The following PPP1R9A variants were observed in gnomAD, a reference collection of about 807,000 sequenced individuals.
PPP1R9A encodes the protein neurabin-1.
Under a neutral mutation model 141.9 loss-of-function variants are expected in PPP1R9A, and 59 were observed. That is an observed-to-expected ratio of 0.42 (90% CI 0.34 to 0.52). The LOEUF (loss-of-function observed/expected upper bound fraction) is 0.52. Among genes scored for constraint, PPP1R9A ranks in the 20% least tolerant of loss-of-function variants. PPP1R9A has a pLI of 0.10. For synonymous variants in PPP1R9A, 500 were observed against 569.7 expected (o/e 0.88, Z 1.74); for missense variants, 1,444 against 1,611.9 (o/e 0.90, Z 1.78).
chr7:95,275,107 C>T (rs1428858175), intron 16 of PPP1R9A, among the ~76,000 whole-genome samples: 1 of 152,002 alleles, frequency 6.6e-6, no homozygotes, highest in African/African-American at 2.4e-5. Context: ...TCATTTGATC[C>T]TTATAGGATT....
chr7:95,264,866 A>C (rs1336455629), intron 12 of PPP1R9A, among the ~76,000 whole-genome samples: 1 of 152,206 alleles, frequency 6.6e-6, no homozygotes, highest in Admixed American at 6.5e-5. Context: ...AACAAGGCAC[A>C]CTGGAGAAAC....
chr7:95,127,318 T>A (rs1166145288), intron 4 of PPP1R9A, among the ~76,000 whole-genome samples: 1 of 152,082 alleles, frequency 6.6e-6, no homozygotes, highest in Admixed American at 6.6e-5. Context: ...TCCCCCTTAA[T>A]GTTTTCAGTA....
intron 2 of PPP1R9A, among the ~76,000 whole-genome samples, chr7:94,995,589 GTTAATCTTATTCAGCATATTTTTTATC>G (rs1802072890): frequency 1.3e-5 from 2 of 151,458 alleles, no homozygotes; most frequent in Non-Finnish European, 2.9e-5. Context: ...GTACTCTACT[GTTAATCTTATTCAGCATATTTTTTATC>G]TTAGACATTA....
At chr7:94,924,261 A>G (rs1217906434) in intron 2 of PPP1R9A, among the ~76,000 whole-genome samples, 1 of 152,170 alleles carries the variant, frequency 6.6e-6, no homozygotes, top group Non-Finnish European at 1.5e-5. Context: ...TTTTTTAGTT[A>G]ATCATGTACC....
At chr7:95,079,235 G>A (rs2152268975) in intron 2 of PPP1R9A, among the ~76,000 whole-genome samples, 1 of 152,250 alleles carries the variant, frequency 6.6e-6, no homozygotes, top group South Asian at 2.1e-4. Context: ...TTATTAAATA[G>A]GGAATCCTTT....
chr7:94,911,309 GTGACTATA>G lies in PPP1R9A; in HGVS notation c.1197_1204del (p.Ser399ArgfsTer4), dbSNP rs1791427001. On this transcript the variant is annotated frameshift_variant, in exon 2 of 20. Coordinates refer to ENST00000433360, the MANE Select transcript of PPP1R9A (RefSeq NM_001166160.2). LOFTEE classifies it high-confidence loss of function. Reference sequence around the variant, plus strand: ...GATGGTTCCCATGTGTACATGCACAGTGACTATAATGTGTATAGGGTGAGATCCAGGTA... The same window carrying G: ...GATGGTTCCCATGTGTACATGCACAGATGTGTATAGGGTGAGATCCAGGTA... 6.2e-7 allele frequency: 1 copy of G among 1,614,032 alleles called. No homozygotes were observed. The highest frequency in any genetic ancestry group is 8.5e-7 in the Non-Finnish European group (1 of 1,180,018).
intron 2 of PPP1R9A, among the ~76,000 whole-genome samples, chr7:94,954,088 CT>C (rs1452353992): frequency 6.6e-6 from 1 of 152,038 alleles, no homozygotes; most frequent in East Asian, 1.9e-4. Context: ...ATGATATTGG[CT>C]GTGGGTTTTT....
chr7:95,225,748 C>T (rs570016592), intron 7 of PPP1R9A, among the ~76,000 whole-genome samples: 11 of 152,258 alleles, frequency 7.2e-5, no homozygotes, highest in African/African-American at 1.4e-4. Context: ...TTTTTAGAAA[C>T]GCACTTGTAT....
At chr7:94,947,165 A>T in intron 2 of PPP1R9A, among the ~76,000 whole-genome samples, 1 of 152,120 alleles carries the variant, frequency 6.6e-6, no homozygotes, top group East Asian at 1.9e-4. Flanking sequence ...CCAGGAACTG[A>T]TATGCTCACC....
At chr7:95,239,930 T>G (rs767506743) in intron 8 of PPP1R9A, among the ~76,000 whole-genome samples, 29 of 152,184 alleles carry the variant, frequency 1.9e-4, no homozygotes, top group Non-Finnish European at 3.7e-4. Flanking sequence ...TGTTACATTT[T>G]TTAAAAACTT....
intron 2 of PPP1R9A, 50 bp from the exon 3 acceptor site, chr7:95,111,209 C>T (rs780330456): frequency 6.9e-7 from 1 of 1,444,982 alleles, no homozygotes; most frequent in Non-Finnish European, 9.4e-7. Flanking sequence ...GGATACCTGG[C>T]AGGTTTTTTT....
At chr7:95,225,420 C>T (rs1402522731) in intron 7 of PPP1R9A, among the ~76,000 whole-genome samples, 1 of 152,114 alleles carries the variant, frequency 6.6e-6, no homozygotes, top group African/African-American at 2.4e-5. Flanking sequence ...AGTTAGAAAC[C>T]TTTGGTTTAT....
intron 7 of PPP1R9A, among the ~76,000 whole-genome samples, chr7:95,217,180 G>A (rs1346031190): frequency 2.0e-5 from 3 of 152,092 alleles, no homozygotes; most frequent in South Asian, 2.1e-4. Flanking sequence ...AGCATGAAGC[G>A]CTGTTGAATT....
At chr7:95,069,093 T>C (rs1244673246) in intron 2 of PPP1R9A, among the ~76,000 whole-genome samples, 1 of 152,212 alleles carries the variant, frequency 6.6e-6, no homozygotes. Context: ...TGTTATAGTA[T>C]ATTGTTTAAG....
At chr7:94,953,300 C>G (rs534775263) in intron 2 of PPP1R9A, among the ~76,000 whole-genome samples, 1 of 152,252 alleles carries the variant, frequency 6.6e-6, no homozygotes, top group African/African-American at 2.4e-5. Context: ...GGCTTCTGTT[C>G]TGTTCCATTG....
intron 19 of PPP1R9A, 29 bp from the exon 20 acceptor site, chr7:95,290,062 T>C (rs1346725153): frequency 1.2e-6 from 2 of 1,606,982 alleles, no homozygotes; most frequent in Non-Finnish European, 1.7e-6. Flanking sequence ...GGTTTTCAAA[T>C]TCAGTTTGTG....
At chr7:94,983,989 T>C (rs2151357472) in intron 2 of PPP1R9A, among the ~76,000 whole-genome samples, 1 of 152,322 alleles carries the variant, frequency 6.6e-6, no homozygotes, top group East Asian at 1.9e-4. Context: ...GCTCTTATTA[T>C]TTTGAGATAG....
At chr7:95,187,883 G>C (rs1834876752) in intron 5 of PPP1R9A, among the ~76,000 whole-genome samples, 1 of 151,856 alleles carries the variant, frequency 6.6e-6, no homozygotes, top group Non-Finnish European at 1.5e-5. Flanking sequence ...ATATAATTTT[G>C]ATTTTCCTTA....
chr7:95,221,904 G>A (rs1356096766), intron 7 of PPP1R9A, among the ~76,000 whole-genome samples: 1 of 151,988 alleles, frequency 6.6e-6, no homozygotes, highest in Non-Finnish European at 1.5e-5. Context: ...ACTTGGCCCT[G>A]CAATTAAAAG....
Sources: allele counts gnomAD v4.1 joint callset (sites outside exome capture counted in the v4.1 genomes callset), GRCh38; gene constraint gnomAD v4.1.1; transcripts MANE v1.5; gene names NCBI Gene and HGNC (gene_info 2026-07-23, HGNC 2026-07-21).